Variants in PIWIL1 observed in about 807,000 individuals in gnomAD.
The protein encoded by PIWIL1 is piwi-like protein 1.
In PIWIL1, 73 loss-of-function variants were observed where a neutral mutation model predicts 114.4. That is an observed-to-expected ratio of 0.64 (90% CI 0.53 to 0.78). The LOEUF is 0.78. Ranked by LOEUF, PIWIL1 falls within the 30% of genes least tolerant of loss-of-function variation. The pLI is 0.00. For synonymous variants in PIWIL1, 375 were observed against 369.0 expected (o/e 1.02, Z -0.19); for missense variants, 723 against 1,063.1 (o/e 0.68, Z 4.45).
At chr12:130,355,985 T>C (rs1007294868) in intron 12 of PIWIL1, among the ~76,000 whole-genome samples, 17 of 151,826 alleles carry the variant, frequency 1.1e-4, no homozygotes, top group Non-Finnish European at 2.2e-4. Context: ...CCCTAGAGAA[T>C]GTGGAGCCTG....
chr12:130,392,458 A>C, the PIWIL1 span, among the ~76,000 whole-genome samples: 7 of 120,390 alleles, frequency 5.8e-5, no homozygotes, highest in Admixed American at 8.2e-5. Flanking sequence ...TTACCTGGTG[A>C]ATATTGAATG....
the PIWIL1 span, chr12:130,407,656 G>A: frequency 8.1e-7 from 1 of 1,230,748 alleles, no homozygotes; most frequent in Admixed American, 1.7e-5. Flanking sequence ...CGTGGCCTCA[G>A]TGTGGTGTAC....
At position 130,355,640 on chromosome 12, in the gene PIWIL1, A is replaced by C. The variant is rs1436953250; in HGVS notation, c.1377A>C (p.Thr459=). ...CCTTCTCAGGAAGAATTTTGCAAACAGAAAAGATTCACCAAGGTGGAAAAA... is the reference window on the plus strand; with the variant it reads ...CCTTCTCAGGAAGAATTTTGCAAACCGAAAAGATTCACCAAGGTGGAAAAA... ...LLSFSGRILQ[T]EKIHQGGKTF... Residue 459 remains threonine, a synonymous_variant, in exon 12 of 21, where the codon ACA becomes ACC. Coordinates refer to ENST00000245255, the MANE Select transcript of PIWIL1 (RefSeq NM_004764.5). The C allele has an allele frequency of 6.2e-7, 1 of 1,613,826 alleles. No homozygotes were observed. The highest frequency in any genetic ancestry group is 8.5e-7 in the Non-Finnish European group (1 of 1,179,750).
chr12:130,345,973 G>A, intron 4 of PIWIL1, 95 bp downstream of exon 4: 2 of 1,337,744 alleles, frequency 1.5e-6, no homozygotes, highest in Non-Finnish European at 2.1e-6. Context: ...TTTGGCCAAG[G>A]ATCCTGCATG....
At chr12:130,342,183 TGTG>T (rs914728872) in intron 1 of PIWIL1, 9 of 191,000 alleles carry the variant, frequency 4.7e-5, no homozygotes, top group African/African-American at 2.1e-4. Context: ...TGTGTGTGTG[TGTG>T]TGTGTCTGTG....
chr12:130,346,572 A>T lies in PIWIL1; in HGVS notation c.519A>T (p.Arg173Ser), dbSNP rs1162706152. 1.3e-5 allele frequency: 21 copies of T among 1,612,522 alleles called. No individual in the cohort carries two copies. Among genetic ancestry groups the T allele is most frequent in the Non-Finnish European group, 1.8e-5 (21 of 1,178,794 alleles). ...FDGTILFLPK[R>S]LQQKVTEVFS... ...GAACGATATTATTTTTACCTAAAAG[A>T]CTACAGCAAAAGGTTATTTGGGAAA... Residue 173 changes from arginine to serine, a missense_variant, in exon 5 of 21, where the codon AGA (arginine) becomes AGT (serine). Transcript: ENST00000245255.
At chr12:130,375,537 G>T (rs1402921631), downstream of PIWIL1, among the ~76,000 whole-genome samples, 1 of 152,206 alleles carries the variant, frequency 6.6e-6, no homozygotes, top group Non-Finnish European at 1.5e-5. Flanking sequence ...CGCACGGTCT[G>T]TGCACTCGGC....
chr12:130,366,866 G>C (rs957614963), intron 18 of PIWIL1, among the ~76,000 whole-genome samples: 5 of 152,142 alleles, frequency 3.3e-5, no homozygotes, highest in African/African-American at 7.2e-5. Context: ...GGTGTGATTG[G>C]TATGTAATGT....
At chr12:130,377,879 G>T in the PIWIL1 span, among the ~76,000 whole-genome samples, 2 of 152,160 alleles carry the variant, frequency 1.3e-5, no homozygotes, top group Non-Finnish European at 2.9e-5. Context: ...CTTCCCATTT[G>T]GTCCCAGGCC....
intron 1 of PIWIL1, among the ~76,000 whole-genome samples, chr12:130,338,655 A>G (rs56077678): frequency 1.7e-3 from 43 of 24,926 alleles, no homozygotes; most frequent in African/African-American, 4.4e-3. Flanking sequence ...CAGGTGTGGG[A>G]GATGCAGGAG....
chr12:130,413,451 G>A, the PIWIL1 span, among the ~76,000 whole-genome samples: 1 of 151,924 alleles, frequency 6.6e-6, no homozygotes, highest in South Asian at 2.1e-4. Flanking sequence ...CTATCATGGT[G>A]AATCCCTGTC....
At chr12:130,357,150 C>A in intron 13 of PIWIL1, 45 bp downstream of exon 13, 15 of 1,456,394 alleles carry the variant, frequency 1.0e-5, no homozygotes, top group Non-Finnish European at 1.4e-5. Context: ...GCTTGGCAGT[C>A]ATTTGGAGGG....
In PIWIL1 at chr12:130,372,284, T is replaced by C. The variant is rs1166310450; in HGVS notation, c.*686T>C. On this transcript the variant is annotated 3_prime_UTR_variant, in exon 21 of 21. Coordinates refer to ENST00000245255, the MANE Select transcript of PIWIL1 (RefSeq NM_004764.5). Reference sequence around the variant, plus strand: ...TTTATTTTGTTTTGGAACTGGGACATGATTCTATTTGTTATAAAATAAAAT... The same window carrying C: ...TTTATTTTGTTTTGGAACTGGGACACGATTCTATTTGTTATAAAATAAAAT... 2 of 152,232 alleles carry C rather than the reference T, an allele frequency of 1.3e-5. No homozygotes were observed. The highest frequency in any genetic ancestry group is 3.8e-4 in the East Asian group (2 of 5,200). The allele number at this position is 152,232 out of a possible 1,614,324, so 9.4% of individuals were successfully genotyped here.
rs1230076947 is a variant in PIWIL1 at position 130,361,378 on chromosome 12, C to T, written c.1864C>T (p.Pro622Ser). 3 of 1,613,990 alleles carry T rather than the reference C, an allele frequency of 1.9e-6. No homozygotes were observed. Among genetic ancestry groups the T allele is most frequent in the Admixed American group, 1.7e-5 (1 of 60,006 alleles). ...AGGAGAGCTCTGGAGGGTGGACATC[C>T]CCGTGAGTTTGATTTAATTGGTAGA... ...MGGELWRVDI[P>S]LKLVMIVGID... Residue 622 changes from proline (P) to serine (S), a missense_variant and splice_region_variant, in exon 15 of 21, where the codon CCC becomes TCC. Physicochemically the swap from Pro to Ser is moderately conservative, Grantham distance 74. Transcript: ENST00000245255.
At chr12:130,361,796 C>G (rs1055689089) in intron 16 of PIWIL1, among the ~76,000 whole-genome samples, 195 bp downstream of exon 16, 3 of 152,150 alleles carry the variant, frequency 2.0e-5, no homozygotes, top group Non-Finnish European at 4.4e-5. Context: ...AACTGCATTT[C>G]AGATTTTTTT....
At chr12:130,342,701 A>G (rs373943004) in intron 2 of PIWIL1, 32 bp downstream of exon 2, 14 of 1,526,516 alleles carry the variant, frequency 9.2e-6, no homozygotes, top group Middle Eastern at 1.7e-4. Flanking sequence ...ACTACAGAAA[A>G]TGTCTTTGAC....
At chr12:130,424,686 C>A in the PIWIL1 span, 1 of 1,232,066 alleles carries the variant, frequency 8.1e-7, no homozygotes, top group Non-Finnish European at 1.0e-6. The surrounding 1 kb of genome is among the most constrained non-coding windows in gnomAD (Gnocchi z 9.8). Flanking sequence ...TCTGGCCAGC[C>A]CCGTCCTGGC....
the PIWIL1 span, among the ~76,000 whole-genome samples, chr12:130,405,378 G>A: frequency 2.6e-5 from 4 of 152,142 alleles, no homozygotes; most frequent in Non-Finnish European, 4.4e-5. Flanking sequence ...GAAACCTACC[G>A]TCCAGGATGT....
chr12:130,349,102 T>C lies in PIWIL1; in HGVS notation c.735-137T>C, dbSNP rs2073147833. 1.3e-5 allele frequency: 8 copies of C among 594,262 alleles called. No homozygotes were observed. In the South Asian group the frequency reaches 1.9e-4, roughly 14 times the overall value. 36.8% of individuals were successfully genotyped at this position (594,262 alleles called of 1,614,324 possible). A position where few individuals can be genotyped will look rare whatever the true frequency, so the allele number is the denominator to read the frequency against. ...GGTCTTAAAGCTGGAACCATGTAAA[T>C]CCTAGAAATAAGGAAATTGATTCAT... On this transcript the variant is annotated intron_variant, in intron 7 of 20. Coordinates refer to ENST00000245255, the MANE Select transcript of PIWIL1 (RefSeq NM_004764.5).
Sources: gnomAD v4.1 joint callset for allele counts (sites outside exome capture counted in the v4.1 genomes callset) on GRCh38, gnomAD v4.1.1 for gene constraint, Gnocchi (gnomAD v3.1) non-coding constraint, MANE v1.5 for transcripts, NCBI Gene and HGNC (gene_info 2026-07-23, HGNC 2026-07-21) for gene names.